The following C5orf22 variants were observed in gnomAD, a reference collection of about 807,000 sequenced individuals.
C5orf22 encodes the protein UPF0489 protein C5orf22.
A neutral mutation model predicts 48.7 loss-of-function variants in C5orf22; 36 were observed. That is an observed-to-expected ratio of 0.74 (90% CI 0.57 to 0.98). C5orf22 has a LOEUF of 0.98. Among genes scored for constraint, C5orf22 ranks in the 50% least tolerant of loss-of-function variants. The pLI is 0.00. For missense variants in C5orf22, 486 were observed against 521.9 expected, an observed-to-expected ratio of 0.93 and a Z score of 0.67; for synonymous variants, 141 against 180.8, an observed-to-expected ratio of 0.78 and a Z score of 1.76.
At chr5:31,541,533 A>C (rs1742470543) in intron 6 of C5orf22, 131 bp downstream of exon 6, 2 of 899,796 alleles carry the variant, frequency 2.2e-6, no homozygotes, top group African/African-American at 1.7e-5. Context: ...GCAGGAGAGG[A>C]CCACTTGAGG....
At chr5:31,547,286 C>T (rs1190287059) in intron 7 of C5orf22, among the ~76,000 whole-genome samples, 4 of 152,254 alleles carry the variant, frequency 2.6e-5, no homozygotes. Context: ...CGGGATACAA[C>T]CTCCCTCCTG....
At chr5:31,533,290 G>T (rs1741816968) in intron 1 of C5orf22, among the ~76,000 whole-genome samples, 1 of 152,212 alleles carries the variant, frequency 6.6e-6, no homozygotes, top group South Asian at 2.1e-4. Flanking sequence ...TTAACACGGT[G>T]CCCTGCATAG....
At chr5:31,545,990 C>T (rs1490803037) in intron 7 of C5orf22, among the ~76,000 whole-genome samples, 1 of 152,136 alleles carries the variant, frequency 6.6e-6, no homozygotes, top group Non-Finnish European at 1.5e-5. Context: ...TCGGATCTCT[C>T]TTCACCAGAC....
intron 3 of C5orf22, among the ~76,000 whole-genome samples, chr5:31,536,743 G>A (rs1742121230): frequency 6.6e-6 from 1 of 152,048 alleles, no homozygotes; most frequent in Non-Finnish European, 1.5e-5. Context: ...TATTGTATAA[G>A]CTATTTAACA....
At chr5:31,532,570 A>G in intron 1 of C5orf22, 97 bp downstream of exon 1, 1 of 977,394 alleles carries the variant, frequency 1.0e-6, no homozygotes, top group Non-Finnish European at 1.5e-6. Context: ...CGGAGGCCAG[A>G]GAGTTAACCA....
chr5:31,548,109 C>G (rs1196638666), intron 7 of C5orf22, among the ~76,000 whole-genome samples: 1 of 152,144 alleles, frequency 6.6e-6, no homozygotes, highest in Non-Finnish European at 1.5e-5. Context: ...CAAGACCAAC[C>G]TGGCCAACAT....
At chr5:31,545,925 T>G (rs1227972394) in intron 7 of C5orf22, among the ~76,000 whole-genome samples, 2 of 152,176 alleles carry the variant, frequency 1.3e-5, no homozygotes, top group Non-Finnish European at 2.9e-5. Flanking sequence ...CTTTTTTTTC[T>G]CAATTTTATG....
At chr5:31,535,688 A>G (rs1453821886) in intron 2 of C5orf22, 56 bp from the exon 3 acceptor site, 5 of 1,392,524 alleles carry the variant, frequency 3.6e-6, no homozygotes, top group Non-Finnish European at 4.8e-6. Context: ...ATAAAATTAC[A>G]CTTGGGAAAA....
chr5:31,547,845 A>G (rs750910438), intron 7 of C5orf22, among the ~76,000 whole-genome samples: 1 of 152,216 alleles, frequency 6.6e-6, no homozygotes, highest in Non-Finnish European at 1.5e-5. Flanking sequence ...CATGCCCCAG[A>G]TACATTTTCC....
chr5:31,539,656 C>G (rs1380759963), intron 4 of C5orf22, among the ~76,000 whole-genome samples: 1 of 151,930 alleles, frequency 6.6e-6, no homozygotes, highest in African/African-American at 2.4e-5. Context: ...GTACAATGGA[C>G]TTTTTAAAAA....
At chr5:31,537,150 T>C (rs1446234974) in intron 3 of C5orf22, among the ~76,000 whole-genome samples, 1 of 152,208 alleles carries the variant, frequency 6.6e-6, no homozygotes, top group Non-Finnish European at 1.5e-5. Flanking sequence ...CTTCAGTGAG[T>C]AGGCCTGATT....
At chr5:31,534,990 T>C (rs1349155882) in intron 2 of C5orf22, 1 of 455,150 alleles carries the variant, frequency 2.2e-6, no homozygotes, top group South Asian at 1.6e-5. Context: ...TATTTCTGCA[T>C]TTAGTCCATT....
rs755918297 is a variant in C5orf22 at position 31,541,242 on chromosome 5, G to C, written c.871-39G>C. 6 of 1,581,442 alleles carry C rather than the reference G, an allele frequency of 3.8e-6. No homozygotes were observed. The East Asian group carries it at 9.0e-5, about 24-fold the overall frequency. On this transcript the variant is annotated intron_variant, in intron 5 of 8. Transcript: ENST00000325366. Reference sequence around the variant, plus strand: ...ATGGGATGTTGCTTGTTTTTTGAAAGAATAACTATATAATCTCAGCTTTTC... The same window carrying C: ...ATGGGATGTTGCTTGTTTTTTGAAACAATAACTATATAATCTCAGCTTTTC...
intron 3 of C5orf22, among the ~76,000 whole-genome samples, chr5:31,536,235 G>C (rs1742077398): frequency 6.6e-6 from 1 of 152,166 alleles, no homozygotes; most frequent in African/African-American, 2.4e-5. Context: ...ACTGTTGTCT[G>C]CTGAATTTGC....
chr5:31,552,976 G>C lies in C5orf22; in HGVS notation c.*74G>C. 1 of 1,325,270 alleles carries C rather than the reference G, an allele frequency of 7.5e-7. No individual in the cohort carries two copies. Among genetic ancestry groups the C allele is most frequent in the South Asian group, 1.3e-5 (1 of 77,726 alleles). The allele number at this position is 1,325,270 out of a possible 1,614,324, so 82.1% of individuals were successfully genotyped here. On this transcript the variant is annotated 3_prime_UTR_variant, in exon 9 of 9. Transcript: ENST00000325366. ...CCTTAATTAACTTATTTGTACATGA[G>C]TCTTCCAGAGAACACTGTTTTATAT...
intron 4 of C5orf22, 191 bp from the exon 5 acceptor site, chr5:31,540,758 A>G: frequency 3.8e-6 from 2 of 530,742 alleles, no homozygotes; most frequent in South Asian, 2.7e-5. Context: ...AAATTTTACA[A>G]TATTTACAAT....
chr5:31,550,472 C>T lies in C5orf22; in HGVS notation c.1060-821C>T, dbSNP rs1469644904. On this transcript the variant is annotated intron_variant, in intron 7 of 8. Transcript: ENST00000325366. ...TAGGATAAATATTTTCTCTTGTATC[C>T]TCTCAAAGCTTTGAATGTAGTACTA... Among the ~76,000 whole-genome samples the T allele has an allele frequency of 2.0e-5, 3 of 152,122 alleles. No individual in the cohort carries two copies. The East Asian group carries it at 5.8e-4, about 29-fold the overall frequency.
chr5:31,554,001 C>T lies in C5orf22; in HGVS notation c.*1099C>T, dbSNP rs1743448553. Reference sequence around the variant, plus strand: ...CTTTAATTCTGACCTGCCATAAATACCCAAAGATATAAACTGTCTTCCACC... The same window carrying T: ...CTTTAATTCTGACCTGCCATAAATATCCAAAGATATAAACTGTCTTCCACC... On this transcript the variant is annotated 3_prime_UTR_variant, in exon 9 of 9. Coordinates refer to ENST00000325366, the MANE Select transcript of C5orf22 (RefSeq NM_018356.3). 1 of 152,018 alleles carries T rather than the reference C, an allele frequency of 6.6e-6. No individual in the cohort carries two copies. Among genetic ancestry groups the T allele is most frequent in the Admixed American group, 6.6e-5 (1 of 15,262 alleles). The allele number at this position is 152,018 out of a possible 1,614,324, so 9.4% of individuals were successfully genotyped here. A position where few individuals can be genotyped will look rare whatever the true frequency, so the allele number is the denominator to read the frequency against.
In C5orf22 at chr5:31,534,300, G is replaced by A; in HGVS notation, c.110G>A (p.Gly37Asp). ...CTACCCTTTATATACCGGGCCATAGGCTCAAAGCATCTTCCTGCCAGTAAT... is the reference window on the plus strand; with the variant it reads ...CTACCCTTTATATACCGGGCCATAGACTCAAAGCATCTTCCTGCCAGTAAT... The part of the protein sequence containing the change: ...EVLPFIYRAI[G>D]SKHLPASNVS... The change falls in exon 2 of 9, where the codon GGC (glycine) becomes GAC (aspartate). Residue 37 changes from glycine to aspartate, a missense_variant. Coordinates refer to ENST00000325366, the MANE Select transcript of C5orf22 (RefSeq NM_018356.3). 6.2e-7 allele frequency: 1 copy of A among 1,613,876 alleles called. No individual in the cohort carries two copies. Among genetic ancestry groups the A allele is most frequent in the Non-Finnish European group, 8.5e-7 (1 of 1,179,852 alleles).
Sources: allele counts gnomAD v4.1 joint callset (sites outside exome capture counted in the v4.1 genomes callset), GRCh38; gene constraint gnomAD v4.1.1; transcripts MANE v1.5; gene names NCBI Gene and HGNC (gene_info 2026-07-23, HGNC 2026-07-21).